The following CCNDBP1 variants were observed in gnomAD, a reference collection of about 807,000 sequenced individuals.
CCNDBP1 encodes the protein cyclin D1 binding protein 1.
In CCNDBP1, 45 loss-of-function variants were observed where a neutral mutation model predicts 46.2. The ratio of observed to expected loss-of-function variants is 0.97; its 90% CI spans 0.77 to 1.25. CCNDBP1 has a LOEUF of 1.25. Among genes scored for constraint, CCNDBP1 ranks in the 50% most tolerant of loss-of-function variants. The pLI is 0.00. For missense variants in CCNDBP1, 436 were observed against 442.1 expected (o/e 0.99, Z 0.12); for synonymous variants, 154 against 163.6 (o/e 0.94, Z 0.45).
At chr15:43,190,431 T>G in intron 6 of CCNDBP1, 33 bp downstream of exon 6, 1 of 1,588,060 alleles carries the variant, frequency 6.3e-7, no homozygotes, top group Non-Finnish European at 8.6e-7. Flanking sequence ...CCATGTCTGC[T>G]GGCCAAAGCA....
At position 43,197,033 on chromosome 15, in the gene CCNDBP1, C is replaced by T. The variant is rs1458091057; in HGVS notation, c.*2192C>T. The T allele has an allele frequency of 2.2e-6, 1 of 461,166 alleles. No homozygotes were observed. The highest frequency in any genetic ancestry group is 3.4e-5 in the Admixed American group (1 of 29,732). 28.6% of individuals were successfully genotyped at this position (461,166 alleles called of 1,614,324 possible). ...GCTGGCACCTGGCACTTACCCCTACCCCTCAACCCATTCTTGCCCTGTGAT... is the reference window on the plus strand; with the variant it reads ...GCTGGCACCTGGCACTTACCCCTACTCCTCAACCCATTCTTGCCCTGTGAT... On this transcript the variant is annotated 3_prime_UTR_variant, in exon 11 of 11. Transcript: ENST00000300213.
Position 43,190,996 on chromosome 15 carries a change from C to T in CCNDBP1, c.533C>T (p.Thr178Ile). Residue 178 changes from threonine (T) to isoleucine (I), a missense_variant, in exon 7 of 11, where the codon ACC becomes ATC. Thr to Ile is a moderately conservative substitution (Grantham distance 89). Coordinates refer to ENST00000300213, the MANE Select transcript of CCNDBP1 (RefSeq NM_012142.5). ...AAAGCTGCAGCTCTTTTGATGCTGA[C>T]CAAGAATGTGGATTTTGTGAAGGAT... is the stretch of plus-strand genomic sequence containing the variant. ...DNKAAALLML[T>I]KNVDFVKDAH... The T allele has an allele frequency of 3.7e-6, 6 of 1,614,016 alleles. No homozygotes were observed. The highest frequency in any genetic ancestry group is 3.3e-5 in the Admixed American group (2 of 60,022).
At chr15:43,194,681 G>C in intron 10 of CCNDBP1, 46 bp from the exon 11 acceptor site, 1 of 1,425,686 alleles carries the variant, frequency 7.0e-7, no homozygotes, top group South Asian at 1.2e-5. Flanking sequence ...GTTTTCCCTT[G>C]ACATCCTAAT....
chr15:43,193,355 A>G (rs919566664), intron 9 of CCNDBP1: 14 of 150,872 alleles, frequency 9.3e-5, no homozygotes, highest in African/African-American at 7.3e-5. Flanking sequence ...AAAAAAAAAA[A>G]AAAAAAAAAA....
At chr15:43,194,622 T>G in intron 10 of CCNDBP1, 105 bp from the exon 11 acceptor site, 1 of 1,032,610 alleles carries the variant, frequency 9.7e-7, no homozygotes, top group Non-Finnish European at 1.4e-6. Context: ...GCAAAGAAGC[T>G]TCCCTTTAAA....
chr15:43,194,333 A>T, intron 9 of CCNDBP1, 82 bp from the exon 10 acceptor site: 2 of 1,147,802 alleles, frequency 1.7e-6, no homozygotes, highest in Non-Finnish European at 1.2e-6. Context: ...TAATTTTTTT[A>T]TTACTTGGGT....
At position 43,194,881 on chromosome 15, in the gene CCNDBP1, C is replaced by T; in HGVS notation, c.*40C>T. The T allele has an allele frequency of 7.9e-7, 1 of 1,269,830 alleles. No homozygotes were observed. Among genetic ancestry groups the T allele is most frequent in the Non-Finnish European group, 1.2e-6 (1 of 868,150 alleles). The allele number at this position is 1,269,830 out of a possible 1,614,324, so 78.7% of individuals were successfully genotyped here. A position where few individuals can be genotyped will look rare whatever the true frequency, so the allele number is the denominator to read the frequency against. On this transcript the variant is annotated 3_prime_UTR_variant, in exon 11 of 11. Coordinates refer to ENST00000300213, the MANE Select transcript of CCNDBP1 (RefSeq NM_012142.5). ...TTGTACTCTCTTCCCCTCTCATCGT[C>T]ATGGTCAGGCTCTGATACCTGCTTT...
In CCNDBP1 at chr15:43,185,477, C is replaced by T. The variant is rs372882342; in HGVS notation, c.-22C>T. The T allele has an allele frequency of 1.9e-6, 3 of 1,552,082 alleles. No homozygotes were observed. The highest frequency in any genetic ancestry group is 1.7e-6 in the Non-Finnish European group (2 of 1,148,702). On this transcript the variant is annotated 5_prime_UTR_variant, in exon 1 of 11. Transcript: ENST00000300213. ...CAGTGGCAGCGGAGGCCTGTGTTTG[C>T]GGCCTTCGGCAAGCGACTGAGATGG...
At chr15:43,185,998 G>T in intron 2 of CCNDBP1, 119 bp downstream of exon 2, 1 of 1,203,304 alleles carries the variant, frequency 8.3e-7, no homozygotes, top group South Asian at 1.2e-5. Context: ...TTTCTGTGAG[G>T]TACCTTACCC....
At chr15:43,186,066 T>C (rs2041823065) in intron 2 of CCNDBP1, 88 bp from the exon 3 acceptor site, 2 of 1,347,398 alleles carry the variant, frequency 1.5e-6, no homozygotes, top group East Asian at 4.6e-5. Context: ...GGAAGTGTTT[T>C]TGAGAAGTCT....
chr15:43,191,468 A>G lies in CCNDBP1; in HGVS notation c.653A>G (p.His218Arg). The change falls in exon 8 of 11, where the codon CAT (histidine) becomes CGT (arginine). Residue 218 changes from histidine (H) to arginine (R), a missense_variant. His to Arg is a conservative substitution (Grantham distance 29). Coordinates refer to ENST00000300213, the MANE Select transcript of CCNDBP1 (RefSeq NM_012142.5). ...GAGAACAACTCTGACAACCACAATC[A>G]TGAGGATGATGTGTTGGGGTTTCCC... ...TEENNSDNHN[H>R]EDDVLGFPSN... is the part of the protein sequence containing the mutation. 1 of 1,612,620 alleles carries G rather than the reference A, an allele frequency of 6.2e-7. No homozygotes were observed. The highest frequency in any genetic ancestry group is 8.5e-7 in the Non-Finnish European group (1 of 1,179,902).
At position 43,191,482 on chromosome 15, in the gene CCNDBP1, T is replaced by C. The variant is rs772212732; in HGVS notation, c.667T>C (p.Leu223=). The C allele has an allele frequency of 4.3e-6, 7 of 1,613,736 alleles. No homozygotes were observed. Among genetic ancestry groups the C allele is most frequent in the Admixed American group, 1.7e-5 (1 of 59,970 alleles). ...SDNHNHEDDV[L]GFPSNQDLYW... is the part of the protein sequence containing the mutation. ...CAACCACAATCATGAGGATGATGTG[T>C]TGGGGTTTCCCAGCAATCAGGACTT... The change falls in exon 8 of 11, where the codon TTG becomes CTG. Residue 223 remains leucine, a synonymous_variant. Coordinates refer to ENST00000300213, the MANE Select transcript of CCNDBP1 (RefSeq NM_012142.5).
At chr15:43,191,791 A>T (rs2041957445) in intron 8 of CCNDBP1, 116 bp downstream of exon 8, 1 of 1,152,132 alleles carries the variant, frequency 8.7e-7, no homozygotes, top group South Asian at 1.6e-5. Flanking sequence ...AACCTATAGG[A>T]AAGTTTAAAA....
chr15:43,186,161 A>G lies in CCNDBP1; in HGVS notation c.177A>G (p.Ala59=). Residue 59 remains alanine, a synonymous_variant, in exon 3 of 11, where the codon GCA becomes GCG. Transcript: ENST00000300213. ...REMFWRRLNE[A]AVTVSREATT... ...TCTTCGGCCACCCCCCAGATGAGGCAGCTGTGACTGTGTCAAGGGAAGCCA... is the reference window on the plus strand; with the variant it reads ...TCTTCGGCCACCCCCCAGATGAGGCGGCTGTGACTGTGTCAAGGGAAGCCA... 6.2e-7 allele frequency: 1 copy of G among 1,614,112 alleles called. No individual in the cohort carries two copies. Among genetic ancestry groups the G allele is most frequent in the Non-Finnish European group, 8.5e-7 (1 of 1,179,958 alleles).
At position 43,191,440 on chromosome 15, in the gene CCNDBP1, G is replaced by T; in HGVS notation, c.625G>T (p.Glu209Ter). Residue 209 changes from glutamate to a stop codon, truncating the protein, a stop_gained, in exon 8 of 11, where the codon GAG (glutamate) becomes TAG (stop). Coordinates refer to ENST00000300213, the MANE Select transcript of CCNDBP1 (RefSeq NM_012142.5). LOFTEE classifies it high-confidence loss of function. ...TTACTCTGGCCTCTTGAATGATACT[G>T]AGGAGAACAACTCTGACAACCACAA... ...DPYSGLLNDTEENNSDNHNHE... is the reference protein window; with the variant it reads ...DPYSGLLNDT The T allele has an allele frequency of 6.2e-7, 1 of 1,601,440 alleles. No homozygotes were observed. The highest frequency in any genetic ancestry group is 1.1e-5 in the South Asian group (1 of 90,730).
intron 9 of CCNDBP1, among the ~76,000 whole-genome samples, chr15:43,193,591 G>A (rs1425192552): frequency 6.6e-6 from 1 of 152,148 alleles, no homozygotes; most frequent in African/African-American, 2.4e-5. Flanking sequence ...TAACTATGGA[G>A]AGTCAACTTT....
Position 43,190,132 on chromosome 15 carries a change from T to G in CCNDBP1, c.409T>G (p.Ser137Ala). 1 of 1,614,140 alleles carries G rather than the reference T, an allele frequency of 6.2e-7. No homozygotes were observed. The highest frequency in any genetic ancestry group is 8.5e-7 in the Non-Finnish European group (1 of 1,180,010). Residue 137 changes from serine (S) to alanine (A), a missense_variant, in exon 5 of 11, where the codon TCC (serine) becomes GCC (alanine). Transcript: ENST00000300213. ...CATGGCTCAGCTCATGGAAGTACTT[T>G]CCGTCACTCCAACTCAGAGGTAGTG... ...DGMAQLMEVL[S>A]VTPTQSPENN...
chr15:43,194,714 A>C lies in CCNDBP1; in HGVS notation c.969-13A>C, dbSNP rs142778869. ...AATAAGTTTAACTTACTTCTTTCCT[A>C]TTCTATTCACAGAGCAAGTCATGTG... is the stretch of plus-strand genomic sequence containing the variant. On this transcript the variant is annotated splice_polypyrimidine_tract_variant and intron_variant, in intron 10 of 10. Coordinates refer to ENST00000300213, the MANE Select transcript of CCNDBP1 (RefSeq NM_012142.5). 1 of 1,555,770 alleles carries C rather than the reference A, an allele frequency of 6.4e-7. No homozygotes were observed. The highest frequency in any genetic ancestry group is 1.7e-5 in the Admixed American group (1 of 59,854).
rs2041789893 is a variant in CCNDBP1, at chr15:43,185,525, C to T, written c.27C>T (p.Ala9=). 1.3e-6 allele frequency: 2 copies of T among 1,596,374 alleles called. No homozygotes were observed. Among genetic ancestry groups the T allele is most frequent in the African/African-American group, 2.7e-5 (2 of 74,724 alleles). The change falls in exon 1 of 11, where the codon GCC becomes GCT. Residue 9 remains alanine, a synonymous_variant. Transcript: ENST00000300213. The part of the protein sequence containing the change: MASATAPA[A]AVPTLASPLE... Reference sequence around the variant, plus strand: ...TGGCGAGCGCAACTGCACCTGCAGCCGCAGTCCCCACCCTGGCTTCGCCTT... The same window carrying T: ...TGGCGAGCGCAACTGCACCTGCAGCTGCAGTCCCCACCCTGGCTTCGCCTT...
Sources: gnomAD v4.1 joint callset for allele counts (sites outside exome capture counted in the v4.1 genomes callset) on GRCh38, gnomAD v4.1.1 for gene constraint, MANE v1.5 for transcripts, NCBI Gene and HGNC (gene_info 2026-07-23, HGNC 2026-07-21) for gene names.